Variants in DPP6 observed in about 807,000 individuals in gnomAD.
The protein encoded by DPP6 is dipeptidyl peptidase like 6.
Under a neutral mutation model 122.6 loss-of-function variants are expected in DPP6, and 69 were observed. That is an observed-to-expected ratio of 0.56 (90% confidence interval 0.46 to 0.69). The LOEUF is 0.69. Among genes scored for constraint, DPP6 ranks in the 30% least tolerant of loss-of-function variants. The probability of loss-of-function intolerance (pLI) is 0.00; values close to 1 mark genes in which losing one functional copy is unlikely to be tolerated. For synonymous variants in DPP6, 418 were observed against 433.1 expected (o/e 0.97, Z 0.43); for missense variants, 928 against 1,116.9 (o/e 0.83, Z 2.41).
rs910026563 is a variant in DPP6 at position 154,795,877 on chromosome 7, C to T, written c.1293C>T (p.His431=). The change falls in exon 12 of 26, where the codon CAC becomes CAT. Residue 431 remains histidine, a synonymous_variant. Coordinates refer to ENST00000377770, the MANE Select transcript of DPP6 (RefSeq NM_130797.4). ...KHEDESEAWL[H]RQNEEPVFSK... ...AGGATGAAAGTGAGGCCTGGCTCCACAGACAGGTAACTACTGCATGTCCGG... is the reference window on the plus strand; with the variant it reads ...AGGATGAAAGTGAGGCCTGGCTCCATAGACAGGTAACTACTGCATGTCCGG... 6.2e-7 allele frequency: 1 copy of T among 1,612,520 alleles called. No individual in the cohort carries two copies. Among genetic ancestry groups the T allele is most frequent in the Non-Finnish European group, 8.5e-7 (1 of 1,179,244 alleles).
intron 1 of DPP6, among the ~76,000 whole-genome samples, chr7:154,153,892 G>C (rs571861281): frequency 5.5e-4 from 84 of 152,280 alleles, no homozygotes; most frequent in African/African-American, 1.9e-3. Context: ...AGAAGCAGGG[G>C]CTCCAGCCGT....
At chr7:154,840,058 C>G (rs1055149340) in intron 16 of DPP6, among the ~76,000 whole-genome samples, 1 of 152,102 alleles carries the variant, frequency 6.6e-6, no homozygotes, top group African/African-American at 2.4e-5. Context: ...GGAACGACTT[C>G]CATTCAAAAA....
intron 6 of DPP6, among the ~76,000 whole-genome samples, chr7:154,655,157 T>C (rs2131012788): frequency 6.6e-6 from 1 of 152,312 alleles, no homozygotes; most frequent in South Asian, 2.1e-4. Context: ...TATTTTTTGG[T>C]GCCTTTGGTG....
At chr7:154,792,283 A>AAGT (rs1797731572) in intron 10 of DPP6, among the ~76,000 whole-genome samples, 1 of 152,220 alleles carries the variant, frequency 6.6e-6, no homozygotes, top group South Asian at 2.1e-4. Context: ...GGTAGGGAAT[A>AAGT]AGTTCTCATG....
At chr7:154,082,320 G>C (rs1563180170) in intron 1 of DPP6, among the ~76,000 whole-genome samples, 1 of 152,008 alleles carries the variant, frequency 6.6e-6, no homozygotes, top group Non-Finnish European at 1.5e-5. Flanking sequence ...GGGTTGTTTT[G>C]TTATTCTCCA....
intron 19 of DPP6, among the ~76,000 whole-genome samples, chr7:154,874,293 G>A (rs1804667670): frequency 6.6e-6 from 1 of 152,186 alleles, no homozygotes; most frequent in African/African-American, 2.4e-5. Context: ...AAGCATTTCA[G>A]TTTACAAAAC....
intron 1 of DPP6, among the ~76,000 whole-genome samples, chr7:154,270,757 A>G (rs1173932957): frequency 6.6e-6 from 1 of 152,152 alleles, no homozygotes; most frequent in Non-Finnish European, 1.5e-5. Context: ...TTCCTCTGAA[A>G]ACAAGAGTAC....
chr7:154,741,177 G>A (rs1842802721), intron 8 of DPP6, among the ~76,000 whole-genome samples: 1 of 152,178 alleles, frequency 6.6e-6, no homozygotes, highest in Non-Finnish European at 1.5e-5. Flanking sequence ...GGCTGTCCTG[G>A]GAAGGTCATG....
At chr7:154,419,524 G>A (rs187779630) in intron 1 of DPP6, among the ~76,000 whole-genome samples, 23 of 152,264 alleles carry the variant, frequency 1.5e-4, no homozygotes, top group African/African-American at 5.1e-4. Flanking sequence ...TTGCATTTGC[G>A]GGGAGAGGCG....
chr7:154,168,861 A>G (rs1797388009), intron 1 of DPP6, among the ~76,000 whole-genome samples: 1 of 152,272 alleles, frequency 6.6e-6, no homozygotes, highest in African/African-American at 2.4e-5. Flanking sequence ...ACACTGCTCA[A>G]TGAAATATGT....
intron 6 of DPP6, among the ~76,000 whole-genome samples, chr7:154,652,137 C>T (rs1836915249): frequency 1.3e-5 from 2 of 152,164 alleles, no homozygotes; most frequent in Admixed American, 1.3e-4. Context: ...AGGCTCCCAA[C>T]ACATCAGCTG....
chr7:154,690,525 T>G (rs1231356224), intron 7 of DPP6, among the ~76,000 whole-genome samples: 1 of 152,150 alleles, frequency 6.6e-6, no homozygotes, highest in Non-Finnish European at 1.5e-5. Context: ...TAGGACTTCA[T>G]GACCTTCAGC....
intron 1 of DPP6, among the ~76,000 whole-genome samples, chr7:154,422,714 T>G: frequency 1.0e-5 from 1 of 96,604 alleles, no homozygotes; most frequent in African/African-American, 4.0e-5. Context: ...GGTAGATGGA[T>G]GGGTGAGTGG....
At chr7:153,884,987 A>AATATATATATAT (rs56329841), upstream of DPP6, among the ~76,000 whole-genome samples, 27 of 116,446 alleles carry the variant, frequency 2.3e-4, no homozygotes, top group South Asian at 9.2e-4. Flanking sequence ...TCAAAACAAA[A>AATATATATATAT]ATATATATAT....
intron 1 of DPP6, among the ~76,000 whole-genome samples, chr7:154,298,844 A>G (rs1805714950): frequency 6.6e-6 from 1 of 152,146 alleles, no homozygotes; most frequent in African/African-American, 2.4e-5. Context: ...TCCCAGCTAT[A>G]ATTTGAAGTG....
rs766899382 is a variant in DPP6, at chr7:154,892,744, A to AC, written c.*265dup. ...CCGGCGCCCGAGAGACCGGCACGCC[A>AC]CGGCCCCTCCCCCAAGGAACAGAGC... is the stretch of plus-strand genomic sequence containing the variant. On this transcript the variant is annotated 3_prime_UTR_variant, in exon 26 of 26. Transcript: ENST00000377770. 6 of 703,000 alleles carry AC rather than the reference A, an allele frequency of 8.5e-6. No homozygotes were observed. The highest frequency in any genetic ancestry group is 1.5e-5 in the Non-Finnish European group (6 of 392,490). The allele number at this position is 703,000 out of a possible 1,614,324, so 43.5% of individuals were successfully genotyped here.
intron 1 of DPP6, among the ~76,000 whole-genome samples, chr7:154,259,436 G>A (rs1802856961): frequency 1.3e-5 from 2 of 152,174 alleles, no homozygotes; most frequent in Non-Finnish European, 2.9e-5. Context: ...GGGAGGGGCC[G>A]CTGGGGCAGT....
At chr7:154,324,544 C>T (rs571546410) in intron 1 of DPP6, among the ~76,000 whole-genome samples, 9 of 152,206 alleles carry the variant, frequency 5.9e-5, no homozygotes, top group East Asian at 3.9e-4. Flanking sequence ...GCATGACCGC[C>T]GGGTCTCCCT....
chr7:153,897,392 C>T (rs963669180), intron 1 of DPP6, among the ~76,000 whole-genome samples: 2 of 152,174 alleles, frequency 1.3e-5, no homozygotes, highest in African/African-American at 2.4e-5. Context: ...GATTTCTAGC[C>T]TCTGCTGGAA....
Sources: gnomAD v4.1 joint callset for allele counts (sites outside exome capture counted in the v4.1 genomes callset) on GRCh38, gnomAD v4.1.1 for gene constraint, MANE v1.5 for transcripts, NCBI Gene and HGNC (gene_info 2026-07-23, HGNC 2026-07-21) for gene names.